Variants in RBFOX1 observed in about 807,000 individuals in gnomAD.
RBFOX1 encodes RNA binding fox-1 homolog 1, also known as RNA binding protein fox-1 homolog 1.
Under a neutral mutation model 57.7 loss-of-function variants are expected in RBFOX1, and 8 were observed. The observed-to-expected ratio is 0.14, with a 90% confidence interval of 0.08 to 0.25. The LOEUF (loss-of-function observed/expected upper bound fraction) is 0.25, where lower values mean the gene tolerates loss of function less well. Among genes scored for constraint, RBFOX1 ranks in the 10% least tolerant of loss-of-function variants. RBFOX1 has a pLI of 1.00. For synonymous variants in RBFOX1, 326 were observed against 222.4 expected (o/e 1.47, Z -4.15); for missense variants, 611 against 548.5 (o/e 1.11, Z -1.14).
chr16:6,315,955 C>T (rs561297825), intron 1 of RBFOX1, among the ~76,000 whole-genome samples: 2 of 152,142 alleles, frequency 1.3e-5, no homozygotes, highest in African/African-American at 4.8e-5. Flanking sequence ...CTAGATATAC[C>T]TATCACATTA....
At chr16:6,988,801 C>A (rs1376899003) in intron 3 of RBFOX1, among the ~76,000 whole-genome samples, 5 of 145,454 alleles carry the variant, frequency 3.4e-5, no homozygotes, top group Non-Finnish European at 7.4e-5. Context: ...AAGATGGAGT[C>A]TTGCTCATTG....
chr16:6,032,535 C>A (rs971913081), intron 1 of RBFOX1, among the ~76,000 whole-genome samples: 1 of 152,136 alleles, frequency 6.6e-6, no homozygotes, highest in African/African-American at 2.4e-5. Context: ...ACTGGGGAAT[C>A]ATCATTTTGG....
intron 4 of RBFOX1, among the ~76,000 whole-genome samples, chr16:7,401,053 G>C (rs755154874): frequency 3.3e-5 from 5 of 152,148 alleles, no homozygotes; most frequent in Admixed American, 2.6e-4. Flanking sequence ...GATTCGAGAG[G>C]GGGTATCCAA....
chr16:6,662,676 A>G (rs1388928905), intron 3 of RBFOX1, among the ~76,000 whole-genome samples: 1 of 152,164 alleles, frequency 6.6e-6, no homozygotes, highest in Non-Finnish European at 1.5e-5. Context: ...AAAAAACCTA[A>G]AAGACTCAAA....
chr16:5,716,528 G>A (rs902955337), intron 3 of RBFOX1, among the ~76,000 whole-genome samples: 1 of 152,336 alleles, frequency 6.6e-6, no homozygotes, highest in African/African-American at 2.4e-5. Flanking sequence ...ACCAGTCAGA[G>A]TGGTTATTAT....
At chr16:5,305,806 C>T (rs574520450) in intron 1 of RBFOX1, among the ~76,000 whole-genome samples, 1 of 152,214 alleles carries the variant, frequency 6.6e-6, no homozygotes, top group African/African-American at 2.4e-5. Context: ...CCCTATCATC[C>T]CAGCAAGTCG....
chr16:5,302,129 A>G (rs1188933822), intron 1 of RBFOX1, among the ~76,000 whole-genome samples: 1 of 152,126 alleles, frequency 6.6e-6, no homozygotes, highest in Non-Finnish European at 1.5e-5. Context: ...ACAAATTTCA[A>G]TATATTGTCT....
chr16:7,383,753 T>C (rs2097826107), intron 4 of RBFOX1, among the ~76,000 whole-genome samples: 1 of 152,120 alleles, frequency 6.6e-6, no homozygotes, highest in Non-Finnish European at 1.5e-5. Flanking sequence ...TCATACAAAG[T>C]ATGTTAAAGT....
intron 2 of RBFOX1, among the ~76,000 whole-genome samples, chr16:5,594,664 G>T (rs1224955118): frequency 6.6e-6 from 1 of 152,192 alleles, no homozygotes; most frequent in East Asian, 1.9e-4. Flanking sequence ...ATCTCCAAAG[G>T]AGACAGTCAG....
intron 4 of RBFOX1, among the ~76,000 whole-genome samples, chr16:7,368,963 T>C (rs944275995): frequency 1.3e-5 from 2 of 152,102 alleles, no homozygotes; most frequent in African/African-American, 4.8e-5. Context: ...TCTTTCTTTT[T>C]TTTAACACAA....
intron 3 of RBFOX1, among the ~76,000 whole-genome samples, chr16:6,798,995 A>C (rs1209604892): frequency 6.6e-6 from 1 of 152,136 alleles, no homozygotes; most frequent in African/African-American, 2.4e-5. Flanking sequence ...TTTAGGAAAA[A>C]GAAGAATGGG....
At chr16:6,197,753 C>G (rs764792141) in intron 1 of RBFOX1, among the ~76,000 whole-genome samples, 1 of 151,840 alleles carries the variant, frequency 6.6e-6, no homozygotes, top group African/African-American at 2.4e-5. Context: ...GTATTAAGCC[C>G]GGTATCCAAT....
chr16:6,166,309 C>T (rs1324482890), intron 1 of RBFOX1, among the ~76,000 whole-genome samples: 2 of 151,730 alleles, frequency 1.3e-5, no homozygotes, highest in African/African-American at 4.8e-5. Flanking sequence ...ATGACGGGGA[C>T]CAAGCTCGCA....
chr16:6,547,403 C>T (rs1302665889), intron 2 of RBFOX1, among the ~76,000 whole-genome samples: 1 of 152,176 alleles, frequency 6.6e-6, no homozygotes, highest in East Asian at 1.9e-4. Context: ...TAATAAATTA[C>T]TGATAATGAT....
At chr16:7,594,721 A>G (rs1366805574) in intron 7 of RBFOX1, among the ~76,000 whole-genome samples, 6 of 152,230 alleles carry the variant, frequency 3.9e-5, no homozygotes, top group African/African-American at 4.8e-5. Flanking sequence ...CTACCTGTTG[A>G]TATGAAAAAT....
intron 4 of RBFOX1, among the ~76,000 whole-genome samples, chr16:5,912,627 C>T (rs976965663): frequency 6.6e-6 from 1 of 152,114 alleles, no homozygotes; most frequent in Non-Finnish European, 1.5e-5. Context: ...AGCCACAACC[C>T]AGATAAAAGT....
At chr16:6,213,597 AACATGTATTTAAGC>A (rs2097312331) in intron 1 of RBFOX1, among the ~76,000 whole-genome samples, 1 of 152,188 alleles carries the variant, frequency 6.6e-6, no homozygotes, top group African/African-American at 2.4e-5. Flanking sequence ...AATTGTTTAT[AACATGTATTTAAGC>A]CGTGTATGAA....
intron 1 of RBFOX1, among the ~76,000 whole-genome samples, chr16:5,348,131 TATCC>T (rs2065185251): frequency 1.5e-5 from 2 of 131,908 alleles, no homozygotes; most frequent in Admixed American, 1.6e-4. Context: ...TCCACCCACC[TATCC>T]ATCCACCCAT....
At chr16:6,807,914 G>GTGTATATA (rs939673930) in intron 3 of RBFOX1, among the ~76,000 whole-genome samples, 5 of 132,100 alleles carry the variant, frequency 3.8e-5, no homozygotes, top group African/African-American at 1.4e-4. Context: ...GTGTGTGTGT[G>GTGTATATA]TATATATATA....
Sources: gnomAD v4.1 joint callset for allele counts (sites outside exome capture counted in the v4.1 genomes callset) on GRCh38, gnomAD v4.1.1 for gene constraint, MANE v1.5 for transcripts, NCBI Gene and HGNC (gene_info 2026-07-23, HGNC 2026-07-21) for gene names.